Variants in CTNNA2 observed in about 807,000 individuals in gnomAD.
CTNNA2 encodes the protein catenin alpha 2.
A neutral mutation model predicts 101.0 loss-of-function variants in CTNNA2; 42 were observed. The observed-to-expected ratio is 0.42, with a 90% confidence interval of 0.32 to 0.54. CTNNA2 has a LOEUF of 0.54. Ranked by LOEUF, CTNNA2 falls within the 20% of genes least tolerant of loss-of-function variation. CTNNA2 has a pLI of 0.14. For synonymous variants in CTNNA2, 450 were observed against 456.4 expected, an observed-to-expected ratio of 0.99 and a Z score of 0.18; for missense variants, 871 against 1,223.1, an observed-to-expected ratio of 0.71 and a Z score of 4.29.
At chr2:80,008,968 T>C (rs1260140354) in intron 7 of CTNNA2, among the ~76,000 whole-genome samples, 1 of 152,176 alleles carries the variant, frequency 6.6e-6, no homozygotes, top group East Asian at 1.9e-4. Flanking sequence ...TCCGAGACAC[T>C]GAAATGCCAG....
At chr2:79,574,941 T>C (rs1003304417) in intron 1 of CTNNA2, among the ~76,000 whole-genome samples, 6 of 152,212 alleles carry the variant, frequency 3.9e-5, no homozygotes, top group African/African-American at 1.2e-4. Context: ...GCTGTAGTTC[T>C]GATTTGCAGT....
intron 1 of CTNNA2, among the ~76,000 whole-genome samples, chr2:79,613,716 T>C (rs1269142621): frequency 6.6e-6 from 1 of 152,222 alleles, no homozygotes; most frequent in East Asian, 1.9e-4. Context: ...AGACAGGGTC[T>C]TGTTGTGTTG....
chr2:80,591,351 AAGGGAGGAGTAT>A (rs1696472894), intron 15 of CTNNA2, among the ~76,000 whole-genome samples: 1 of 151,868 alleles, frequency 6.6e-6, no homozygotes, highest in Non-Finnish European at 1.5e-5. Flanking sequence ...TGTTAGGGCA[AAGGGAGGAGTAT>A]AGTAATGAAT....
At chr2:80,216,587 T>G (rs1033320366) in intron 7 of CTNNA2, among the ~76,000 whole-genome samples, 3 of 152,080 alleles carry the variant, frequency 2.0e-5, no homozygotes, top group African/African-American at 7.2e-5. Flanking sequence ...CTATCTCTCT[T>G]TTTACCATGT....
chr2:80,019,756 A>G (rs1694421395), intron 7 of CTNNA2, among the ~76,000 whole-genome samples: 1 of 152,190 alleles, frequency 6.6e-6, no homozygotes, highest in Non-Finnish European at 1.5e-5. Flanking sequence ...ACACAGTGGG[A>G]ATGGCTTATC....
intron 1 of CTNNA2, among the ~76,000 whole-genome samples, chr2:79,604,170 C>T (rs984343770): frequency 1.3e-5 from 2 of 152,104 alleles, no homozygotes; most frequent in South Asian, 2.1e-4. Flanking sequence ...GTCTGTGTGT[C>T]GTTATTCAGT....
At chr2:80,343,615 G>A (rs1345536570) in intron 7 of CTNNA2, among the ~76,000 whole-genome samples, 3 of 152,012 alleles carry the variant, frequency 2.0e-5, no homozygotes, top group Non-Finnish European at 4.4e-5. Context: ...TCAGGATAAA[G>A]GGCACAAGGA....
In CTNNA2 at chr2:80,275,519, T is replaced by C. The variant is rs566104101; in HGVS notation, c.1057-117692T>C. 5.5e-4 allele frequency among the ~76,000 whole-genome samples: 84 copies of C among 152,246 alleles called. 1 individual carries two copies. In the South Asian group the frequency reaches 0.014, roughly 25 times the overall value. On this transcript the variant is annotated intron_variant, in intron 7 of 18. Coordinates refer to ENST00000402739, the MANE Select transcript of CTNNA2 (RefSeq NM_001282597.3). The stretch of plus-strand genomic sequence containing the variant: ...AACAGGAAAGAGCCTTTGAGATAAG[T>C]TTTGTAATAAAGAATCCTTCTGGTA...
chr2:79,233,153 T>A (rs978530823), intron 2 of CTNNA2, among the ~76,000 whole-genome samples: 6 of 152,188 alleles, frequency 3.9e-5, no homozygotes, highest in African/African-American at 1.4e-4. Context: ...TTTTAAGTAG[T>A]TAATTTGAGA....
Position 79,242,969 on chromosome 2 carries a change from A to AATATATATATATATATATAT in CTNNA2, c.-406+44899_-406+44918dup, listed in dbSNP as rs137898899. ...GCAACAAAGTAAGATCCTGTCTCGA[A>AATATATATATATATATATAT]ATATATATATATATATATATATATA... On this transcript the variant is annotated intron_variant, in intron 2 of 21. Coordinates refer to the CTNNA2 transcript ENST00000466387. Among the ~76,000 whole-genome samples the AATATATATATATATATATAT allele has an allele frequency of 4.2e-4, 53 of 127,334 alleles. 1 individual carries two copies. The highest frequency in any genetic ancestry group is 6.4e-4 in the Non-Finnish European group (39 of 60,758). 83.5% of individuals were successfully genotyped at this position (127,334 alleles called of 152,430 possible).
chr2:79,473,134 T>C (rs1671017159), intron 4 of CTNNA2, among the ~76,000 whole-genome samples: 1 of 152,166 alleles, frequency 6.6e-6, no homozygotes, highest in Non-Finnish European at 1.5e-5. Context: ...GGAGGCTTTG[T>C]CTTTAGCTCT....
intron 14 of CTNNA2, among the ~76,000 whole-genome samples, chr2:80,584,712 TCTC>T (rs1428804221): frequency 6.6e-6 from 1 of 152,052 alleles, no homozygotes; most frequent in Non-Finnish European, 1.5e-5. Context: ...CCACACTTCA[TCTC>T]CTCGTATGCT....
chr2:79,899,835 A>G (rs1357557645), intron 6 of CTNNA2, among the ~76,000 whole-genome samples: 1 of 152,248 alleles, frequency 6.6e-6, no homozygotes, highest in Non-Finnish European at 1.5e-5. Context: ...ATACATGATT[A>G]AAACTCAAGG....
At chr2:80,482,477 T>C (rs1397130702) in intron 9 of CTNNA2, among the ~76,000 whole-genome samples, 1 of 152,132 alleles carries the variant, frequency 6.6e-6, no homozygotes, top group East Asian at 1.9e-4. Flanking sequence ...TGCTCAACTT[T>C]GCCATTGTAA....
chr2:79,771,017 C>G (rs1673532883), intron 3 of CTNNA2, among the ~76,000 whole-genome samples: 1 of 152,172 alleles, frequency 6.6e-6, no homozygotes, highest in South Asian at 2.1e-4. Flanking sequence ...CCTCTAACCT[C>G]GTGAAATTTC....
intron 7 of CTNNA2, among the ~76,000 whole-genome samples, chr2:80,079,865 A>AATAAGATAAG (rs1553445237): frequency 8.9e-6 from 1 of 112,978 alleles, no homozygotes; most frequent in African/African-American, 3.3e-5. Context: ...AATAAAATAA[A>AATAAGATAAG]ATAAAATAAA....
chr2:80,168,507 C>T (rs1198697039), intron 7 of CTNNA2, among the ~76,000 whole-genome samples: 1 of 152,138 alleles, frequency 6.6e-6, no homozygotes, highest in East Asian at 1.9e-4. Flanking sequence ...GCCCCTACCT[C>T]CCCTCCTCCT....
intron 3 of CTNNA2, among the ~76,000 whole-genome samples, chr2:79,759,692 CTATT>C (rs111770853): frequency 0.015 from 2,317 of 152,172 alleles, 63 homozygotes; most frequent in African/African-American, 0.053. Context: ...TCTTGGAATT[CTATT>C]TATTAGAATG....
At chr2:79,334,465 C>G (rs988355699) in intron 3 of CTNNA2, among the ~76,000 whole-genome samples, 1 of 152,084 alleles carries the variant, frequency 6.6e-6, no homozygotes, top group Non-Finnish European at 1.5e-5. Flanking sequence ...AAGATACTTT[C>G]AGTTTCATCA....
Sources: gnomAD v4.1 joint callset for allele counts (sites outside exome capture counted in the v4.1 genomes callset) on GRCh38, gnomAD v4.1.1 for gene constraint, MANE v1.5 for transcripts, NCBI Gene and HGNC (gene_info 2026-07-23, HGNC 2026-07-21) for gene names.